The following GRID2 variants were observed in gnomAD, a reference collection of about 807,000 sequenced individuals.
GRID2 encodes the protein glutamate receptor ionotropic, delta-2.
A neutral mutation model predicts 114.8 loss-of-function variants in GRID2; 33 were observed. The observed-to-expected ratio is 0.29, with a 90% CI of 0.22 to 0.38. The LOEUF (loss-of-function observed/expected upper bound fraction) is 0.38, where lower values mean the gene tolerates loss of function less well. Ranked by LOEUF, GRID2 falls within the 10% of genes least tolerant of loss-of-function variation. The pLI, the probability that GRID2 is intolerant of heterozygous loss-of-function variation, is 1.00. For missense variants in GRID2, 1,184 were observed against 1,257.7 expected (o/e 0.94, Z 0.89); for synonymous variants, 505 against 449.9 (o/e 1.12, Z -1.55).
rs979818045 is a variant in GRID2, at chr4:92,452,792, A to G, written c.89-137339A>G. Among the ~76,000 whole-genome samples the G allele has an allele frequency of 2.7e-5, 4 of 149,314 alleles. No homozygotes were observed. The South Asian group carries it at 8.3e-4, about 31-fold the overall frequency. On this transcript the variant is annotated intron_variant, in intron 1 of 15. Transcript: ENST00000282020. The stretch of plus-strand genomic sequence containing the variant: ...CCGTTCATGAGTAGATAGCAAATAT[A>G]TATGATACATGTATATATAATATAT...
At chr4:92,486,261 A>G (rs1486407343) in intron 1 of GRID2, among the ~76,000 whole-genome samples, 2 of 151,950 alleles carry the variant, frequency 1.3e-5, no homozygotes, top group Admixed American at 6.6e-5. Context: ...AGCACATAGT[A>G]AAAAATAAGT....
At chr4:92,305,441 C>T (rs2110100207) in intron 1 of GRID2, among the ~76,000 whole-genome samples, 1 of 152,264 alleles carries the variant, frequency 6.6e-6, no homozygotes, top group Admixed American at 6.5e-5. Context: ...GGCGGCGAAA[C>T]TGACCCCGGG....
intron 1 of GRID2, among the ~76,000 whole-genome samples, chr4:92,309,135 C>A (rs1456257439): frequency 6.6e-6 from 1 of 151,798 alleles, no homozygotes; most frequent in African/African-American, 2.4e-5. Flanking sequence ...AATAAAAATC[C>A]AGGTGATTAA....
chr4:92,597,214 A>G (rs1728996509), intron 2 of GRID2, among the ~76,000 whole-genome samples: 1 of 152,144 alleles, frequency 6.6e-6, no homozygotes. Context: ...GGAAGAAAAT[A>G]TATTCTTTCT....
At chr4:92,690,844 T>C (rs546791971) in intron 2 of GRID2, among the ~76,000 whole-genome samples, 5 of 152,182 alleles carry the variant, frequency 3.3e-5, no homozygotes, top group Middle Eastern at 3.4e-3. Flanking sequence ...AAAACCTTAG[T>C]TTGTTGATTT....
chr4:93,225,365 T>C (rs1561010078), intron 7 of GRID2, among the ~76,000 whole-genome samples: 1 of 152,216 alleles, frequency 6.6e-6, no homozygotes, highest in Non-Finnish European at 1.5e-5. Context: ...GTTTATGTTG[T>C]TTAGCTCCTC....
intron 8 of GRID2, among the ~76,000 whole-genome samples, chr4:93,316,291 CGAAAGAAAGAAA>C (rs201308452): frequency 4.9e-3 from 375 of 77,148 alleles, no homozygotes; most frequent in African/African-American, 6.2e-3. Context: ...AACGAAAGAA[CGAAAGAAAGAAA>C]GAAAGAAAGA....
chr4:93,413,047 C>T (rs1767362303), intron 9 of GRID2, among the ~76,000 whole-genome samples: 1 of 152,114 alleles, frequency 6.6e-6, no homozygotes, highest in African/African-American at 2.4e-5. Context: ...AATAGTGCTG[C>T]AGTAAACATC....
chr4:93,043,132 T>A (rs1725763808), intron 2 of GRID2, among the ~76,000 whole-genome samples: 1 of 152,176 alleles, frequency 6.6e-6, no homozygotes, highest in Admixed American at 6.6e-5. Flanking sequence ...GAGACTTGAG[T>A]ATAATGACAA....
intron 13 of GRID2, among the ~76,000 whole-genome samples, chr4:93,517,594 G>C (rs1729861962): frequency 6.6e-6 from 1 of 151,878 alleles, no homozygotes; most frequent in Non-Finnish European, 1.5e-5. Flanking sequence ...GATGTATTTT[G>C]GTTCAAGCTT....
intron 3 of GRID2, among the ~76,000 whole-genome samples, chr4:93,104,248 G>A (rs1180201602): frequency 6.6e-6 from 1 of 152,118 alleles, no homozygotes; most frequent in Non-Finnish European, 1.5e-5. Context: ...TCTATTGCTG[G>A]TGTATCAAAT....
chr4:93,170,974 T>C (rs1459262232), intron 4 of GRID2, among the ~76,000 whole-genome samples: 1 of 152,162 alleles, frequency 6.6e-6, no homozygotes, highest in Non-Finnish European at 1.5e-5. Flanking sequence ...CAAACCATCA[T>C]GTACTCCTGC....
chr4:93,741,176 T>TATATATATATATATATATATAC (rs1731354555), intron 14 of GRID2, among the ~76,000 whole-genome samples: 5 of 23,422 alleles, frequency 2.1e-4, no homozygotes, highest in Non-Finnish European at 4.1e-4. Context: ...TATATATACA[T>TATATATATATATATATATATAC]ATATATATAT....
chr4:92,675,465 C>T (rs1733297216), intron 2 of GRID2, among the ~76,000 whole-genome samples: 1 of 151,908 alleles, frequency 6.6e-6, no homozygotes, highest in African/African-American at 2.4e-5. Context: ...TCAGCTGCCA[C>T]AGGCCACAGG....
chr4:93,322,905 A>G (rs895627244), intron 8 of GRID2, among the ~76,000 whole-genome samples: 1 of 151,362 alleles, frequency 6.6e-6, no homozygotes, highest in Non-Finnish European at 1.5e-5. Context: ...TTGTTTTTTT[A>G]TTGTAAATTT....
rs113494607 is a variant in GRID2, at chr4:92,709,272, T to C, written c.244+118986T>C. On this transcript the variant is annotated intron_variant, in intron 2 of 15. Transcript: ENST00000282020. ...GAAGACATTCACTAAAATTTAATAG[T>C]AATTATTAAATAAGTAGGTTGAAAA... Among the ~76,000 whole-genome samples the C allele has an allele frequency of 4.9e-4, 74 of 152,226 alleles. 1 individual carries two copies. Among genetic ancestry groups the C allele is most frequent in the African/African-American group, 1.6e-3 (67 of 41,528 alleles).
chr4:92,995,244 T>A (rs1461317494), intron 2 of GRID2, among the ~76,000 whole-genome samples: 1 of 152,122 alleles, frequency 6.6e-6, no homozygotes, highest in Admixed American at 6.6e-5. Context: ...TGGATACATC[T>A]CTCTTCTTTA....
At chr4:92,476,914 A>G (rs949733568) in intron 1 of GRID2, among the ~76,000 whole-genome samples, 1 of 152,076 alleles carries the variant, frequency 6.6e-6, no homozygotes, top group East Asian at 1.9e-4. Flanking sequence ...AATTGAAATA[A>G]TATATACTTT....
intron 1 of GRID2, among the ~76,000 whole-genome samples, chr4:92,522,353 G>C (rs554802006): frequency 1.3e-5 from 2 of 151,936 alleles, no homozygotes; most frequent in Non-Finnish European, 1.5e-5. Flanking sequence ...GATGAACAGA[G>C]AGCAAGACGA....
Sources: allele counts gnomAD v4.1 joint callset (sites outside exome capture counted in the v4.1 genomes callset), GRCh38; gene constraint gnomAD v4.1.1; transcripts MANE v1.5; gene names NCBI Gene and HGNC (gene_info 2026-07-23, HGNC 2026-07-21).